Variants in PECAM1 observed in about 807,000 individuals in gnomAD.
PECAM1 encodes the protein platelet endothelial cell adhesion molecule.
PECAM1 carries 8 observed loss-of-function variants against 13.8 expected under a neutral mutation model. That is an observed-to-expected ratio of 0.58 (90% CI 0.34 to 1.05). The LOEUF (loss-of-function observed/expected upper bound fraction) is 1.05. Among genes scored for constraint, PECAM1 ranks in the 50% least tolerant of loss-of-function variants. The pLI is 0.03. For synonymous variants in PECAM1, 136 were observed against 52.6 expected (o/e 2.58, Z -6.86); for missense variants, 304 against 141.2 (o/e 2.15, Z -5.84).
At chr17:64,386,182 A>G in intron 2 of PECAM1, among the ~76,000 whole-genome samples, 1 of 152,306 alleles carries the variant, frequency 6.6e-6, no homozygotes, top group East Asian at 1.9e-4. Context: ...AGACAGGTGG[A>G]TCACTTAAGG....
intron 15 of PECAM1, among the ~76,000 whole-genome samples, chr17:64,327,480 C>T (rs2034988540): frequency 6.6e-6 from 1 of 152,210 alleles, no homozygotes; most frequent in Admixed American, 6.5e-5. Context: ...ATCCTAGCAC[C>T]TGGACAGTTT....
chr17:64,336,909 A>G (rs2035293542), intron 14 of PECAM1, among the ~76,000 whole-genome samples: 1 of 151,810 alleles, frequency 6.6e-6, no homozygotes. Flanking sequence ...AGAGAGAGAG[A>G]GAGAAAGATA....
At chr17:64,379,850 C>A (rs1004317407) in intron 2 of PECAM1, among the ~76,000 whole-genome samples, 4 of 151,528 alleles carry the variant, frequency 2.6e-5, no homozygotes, top group Non-Finnish European at 4.4e-5. Flanking sequence ...ATGGCAAAAC[C>A]CTGACTCTAC....
intron 5 of PECAM1, among the ~76,000 whole-genome samples, chr17:64,368,359 G>C (rs2036159309): frequency 6.6e-6 from 1 of 152,128 alleles, no homozygotes; most frequent in Non-Finnish European, 1.5e-5. Flanking sequence ...CAGGTAAGGA[G>C]GGTTAGGAGT....
chr17:64,374,421 G>A (rs948025392), intron 4 of PECAM1, among the ~76,000 whole-genome samples: 7 of 151,180 alleles, frequency 4.6e-5, no homozygotes, highest in Admixed American at 6.6e-5. Context: ...CCTGGGAGGC[G>A]GAGGTTGCAG....
At chr17:64,353,411 T>C in intron 10 of PECAM1, 80 bp downstream of exon 10, 1 of 425,636 alleles carries the variant, frequency 2.3e-6, no homozygotes, top group Non-Finnish European at 4.3e-6. Context: ...CACTGAAAAC[T>C]TCCTAATGAC....
At position 64,321,810 on chromosome 17, in the gene PECAM1, A is replaced by T. The variant is rs1555644457; in HGVS notation, c.*2006T>A. 7.5e-7 allele frequency: 1 copy of T among 1,339,596 alleles called. No individual in the cohort carries two copies. Among genetic ancestry groups the T allele is most frequent in the Non-Finnish European group, 9.9e-7 (1 of 1,012,036 alleles). The allele number at this position is 1,339,596 out of a possible 1,614,324, so 83.0% of individuals were successfully genotyped here. A position where few individuals can be genotyped will look rare whatever the true frequency, so the allele number is the denominator to read the frequency against. ...TTCAGTCGTGCTGCATAAGTAAGGC[A>T]CCAGGAGTAGGAATAGGGTCTTTGC... is the stretch of plus-strand genomic sequence containing the variant. On this transcript the variant is annotated 3_prime_UTR_variant, in exon 16 of 16. Coordinates refer to ENST00000563924, the MANE Select transcript of PECAM1 (RefSeq NM_000442.5).
intron 13 of PECAM1, among the ~76,000 whole-genome samples, chr17:64,347,312 G>A (rs2035592707): frequency 6.6e-6 from 1 of 151,722 alleles, no homozygotes; most frequent in Non-Finnish European, 1.5e-5. Flanking sequence ...GAAGTCAGAA[G>A]TTCGAGTTCA....
At chr17:64,390,019 G>T (rs1276047030) in intron 2 of PECAM1, 1 of 151,688 alleles carries the variant, frequency 6.6e-6, no homozygotes, top group African/African-American at 2.4e-5. Context: ...CTGCACTCCA[G>T]CCTGGGTAAC....
chr17:64,374,740 C>T (rs897004460), intron 4 of PECAM1, among the ~76,000 whole-genome samples: 52 of 151,612 alleles, frequency 3.4e-4, no homozygotes, highest in Middle Eastern at 3.4e-3. Flanking sequence ...GCCAAGATTG[C>T]ACCACTGCAC....
chr17:64,347,211 T>C (rs1232537209), intron 13 of PECAM1, among the ~76,000 whole-genome samples: 1 of 152,046 alleles, frequency 6.6e-6, no homozygotes, highest in Non-Finnish European at 1.5e-5. Flanking sequence ...TCTATTTTTC[T>C]TTAATTAATT....
chr17:64,323,315 G>A lies in PECAM1; in HGVS notation c.*501C>T. The A allele has an allele frequency of 1.7e-5, 18 of 1,037,514 alleles. No homozygotes were observed. Among genetic ancestry groups the A allele is most frequent in the Non-Finnish European group, 2.1e-5 (18 of 861,608 alleles). 64.3% of individuals were successfully genotyped at this position (1,037,514 alleles called of 1,614,324 possible). ...TAGAGGGGACAGGGGGAGGCTGTCTGGTCAGCACTGTGTATTTCCAAAGAA... is the reference window on the plus strand; with the variant it reads ...TAGAGGGGACAGGGGGAGGCTGTCTAGTCAGCACTGTGTATTTCCAAAGAA... On this transcript the variant is annotated 3_prime_UTR_variant, in exon 16 of 16. Transcript: ENST00000563924.
intron 13 of PECAM1, among the ~76,000 whole-genome samples, chr17:64,346,611 C>A (rs2035576354): frequency 6.6e-6 from 1 of 152,184 alleles, no homozygotes; most frequent in Non-Finnish European, 1.5e-5. Context: ...ACTAGGTTTA[C>A]AAGTGTGAGC....
At chr17:64,362,029 A>G (rs2035994691) in intron 6 of PECAM1, among the ~76,000 whole-genome samples, 1 of 152,216 alleles carries the variant, frequency 6.6e-6, no homozygotes, top group Non-Finnish European at 1.5e-5. Context: ...TGGATAAAAC[A>G]CAGCCACAGG....
chr17:64,385,338 C>G (rs1408704947), intron 2 of PECAM1, among the ~76,000 whole-genome samples: 6 of 152,176 alleles, frequency 3.9e-5, no homozygotes, highest in African/African-American at 1.2e-4. Flanking sequence ...GTGGTGCTCC[C>G]TGGAAACATG....
At chr17:64,381,590 C>T (rs2036481384) in intron 2 of PECAM1, among the ~76,000 whole-genome samples, 1 of 152,142 alleles carries the variant, frequency 6.6e-6, no homozygotes, top group Non-Finnish European at 1.5e-5. Flanking sequence ...ACGAGTACTA[C>T]AATTTGCGCC....
chr17:64,322,053 A>G lies in PECAM1; in HGVS notation c.*1763T>C. 8.6e-7 allele frequency: 1 copy of G among 1,158,146 alleles called. No homozygotes were observed. The highest frequency in any genetic ancestry group is 1.1e-6 in the Non-Finnish European group (1 of 917,892). 71.7% of individuals were successfully genotyped at this position (1,158,146 alleles called of 1,614,324 possible). On this transcript the variant is annotated 3_prime_UTR_variant, in exon 16 of 16. Transcript: ENST00000563924. ...CGGTGTGTGTGTGTTGGGGAAAGGA[A>G]CCAACAGCTTTCATCATATTGTCAA...
intron 5 of PECAM1, among the ~76,000 whole-genome samples, chr17:64,368,131 C>T (rs2036154883): frequency 6.6e-6 from 1 of 152,094 alleles, no homozygotes; most frequent in Non-Finnish European, 1.5e-5. Context: ...TGTCTCTGTC[C>T]CCTGAAACAT....
In PECAM1 at chr17:64,319,758, C is replaced by T. The variant is rs1487900041; in HGVS notation, c.*4058G>A. ...AGGTCATATACTGGTTAAATTCCGCCATTTTGCCTCTTGGTGCGCATGCTC... is the reference window on the plus strand; with the variant it reads ...AGGTCATATACTGGTTAAATTCCGCTATTTTGCCTCTTGGTGCGCATGCTC... On this transcript the variant is annotated 3_prime_UTR_variant, in exon 16 of 16. Coordinates refer to ENST00000563924, the MANE Select transcript of PECAM1 (RefSeq NM_000442.5). 6.6e-6 allele frequency: 1 copy of T among 152,176 alleles called. No homozygotes were observed. Among genetic ancestry groups the T allele is most frequent in the African/African-American group, 2.4e-5 (1 of 41,438 alleles). The allele number at this position is 152,176 out of a possible 1,614,324, so 9.4% of individuals were successfully genotyped here. A position where few individuals can be genotyped will look rare whatever the true frequency, so the allele number is the denominator to read the frequency against.
Sources: allele counts gnomAD v4.1 joint callset (sites outside exome capture counted in the v4.1 genomes callset), GRCh38; gene constraint gnomAD v4.1.1; transcripts MANE v1.5; gene names NCBI Gene and HGNC (gene_info 2026-07-23, HGNC 2026-07-21).